MED29: variants seen among roughly 807,000 people sequenced by gnomAD.
The protein encoded by MED29 is mediator of RNA polymerase II transcription subunit 29.
A neutral mutation model predicts 22.0 loss-of-function variants in MED29; 14 were observed. That is an observed-to-expected ratio of 0.64 (90% CI 0.42 to 0.99). The LOEUF (loss-of-function observed/expected upper bound fraction) is 0.99, where lower values mean the gene tolerates loss of function less well. MED29 is among the 50% of genes least tolerant of loss of function. The probability of loss-of-function intolerance (pLI) is 0.00; values close to 1 mark genes in which losing one functional copy is unlikely to be tolerated. For missense variants in MED29, 241 were observed against 253.7 expected, an observed-to-expected ratio of 0.95 and a Z score of 0.34; for synonymous variants, 123 against 107.8, an observed-to-expected ratio of 1.14 and a Z score of -0.87.
At chr19:39,395,596 T>C (rs1346420379) in intron 3 of MED29, among the ~76,000 whole-genome samples, 2 of 152,080 alleles carry the variant, frequency 1.3e-5, no homozygotes, top group Non-Finnish European at 2.9e-5. Flanking sequence ...ATAAAGTTTC[T>C]AGGATGAGGC....
In MED29 at chr19:39,398,809, A is replaced by C. The variant is rs2078444999; in HGVS notation, c.*1110A>C. The stretch of plus-strand genomic sequence containing the variant: ...TGCCCCACCCAGTATCTTCTGTGCC[A>C]TGGTTCCCACATTCGCACTCCATGG... On this transcript the variant is annotated 3_prime_UTR_variant, in exon 4 of 4. Transcript: ENST00000315588. 6.6e-6 allele frequency: 1 copy of C among 152,248 alleles called. No individual in the cohort carries two copies. The highest frequency in any genetic ancestry group is 1.5e-5 in the Non-Finnish European group (1 of 68,088). The allele number at this position is 152,248 out of a possible 1,614,324, so 9.4% of individuals were successfully genotyped here.
chr19:39,394,413 C>T (rs556997407), intron 3 of MED29, among the ~76,000 whole-genome samples: 4 of 152,008 alleles, frequency 2.6e-5, no homozygotes, highest in Non-Finnish European at 5.9e-5. Context: ...AGGCATACCA[C>T]GCCTGGCTAA....
chr19:39,394,941 G>T (rs1385497295), intron 3 of MED29, among the ~76,000 whole-genome samples: 1 of 147,426 alleles, frequency 6.8e-6, no homozygotes. Flanking sequence ...GCTCACTGCA[G>T]CCTCTACTTC....
chr19:39,396,383 C>T (rs1262452670), intron 3 of MED29, among the ~76,000 whole-genome samples: 1 of 151,278 alleles, frequency 6.6e-6, no homozygotes, highest in Non-Finnish European at 1.5e-5. Flanking sequence ...TGCAGTGAAC[C>T]AAGATGGCGC....
chr19:39,392,765 A>G, intron 2 of MED29: 1 of 507,626 alleles, frequency 2.0e-6, no homozygotes, highest in South Asian at 3.0e-5. Flanking sequence ...AGCCAGGACT[A>G]CAGACATGGC....
chr19:39,391,518 G>T lies in MED29; in HGVS notation c.96G>T (p.Pro32=). The T allele has an allele frequency of 1.2e-6, 2 of 1,612,972 alleles. No homozygotes were observed. Among genetic ancestry groups the T allele is most frequent in the Non-Finnish European group, 1.7e-6 (2 of 1,179,886 alleles). ...GCGGCCCGGGTCCCCAGCAGCAGCC[G>T]CAACCGCCAGCACAACTGGTGGGCC... The part of the protein sequence containing the change: ...SAGGPGPQQQ[P]QPPAQLVGPA... Residue 32 remains proline (P), a synonymous_variant, in exon 1 of 4, where the codon CCG becomes CCT. Transcript: ENST00000315588.
At position 39,397,856 on chromosome 19, in the gene MED29, A is replaced by C; in HGVS notation, c.*157A>C. 1 of 1,284,070 alleles carries C rather than the reference A, an allele frequency of 7.8e-7. No individual in the cohort carries two copies. The highest frequency in any genetic ancestry group is 1.5e-5 in the South Asian group (1 of 65,850). The allele number at this position is 1,284,070 out of a possible 1,614,324, so 79.5% of individuals were successfully genotyped here. Reference sequence around the variant, plus strand: ...CAGCAGAGGCCAACAGGGAGCTCGCAGGCCGGGCCCCTGCGTCCCTGCCCC... The same window carrying C: ...CAGCAGAGGCCAACAGGGAGCTCGCCGGCCGGGCCCCTGCGTCCCTGCCCC... On this transcript the variant is annotated 3_prime_UTR_variant, in exon 4 of 4. Transcript: ENST00000315588.
intron 3 of MED29, among the ~76,000 whole-genome samples, chr19:39,393,902 G>C (rs1024885032): frequency 6.6e-6 from 1 of 152,232 alleles, no homozygotes; most frequent in Non-Finnish European, 1.5e-5. Context: ...AGAGTGGTTA[G>C]GGTTATGATT....
intron 3 of MED29, among the ~76,000 whole-genome samples, chr19:39,397,061 C>T (rs1450469473): frequency 6.6e-6 from 1 of 151,642 alleles, no homozygotes; most frequent in Non-Finnish European, 1.5e-5. Flanking sequence ...CCTAGAGCAG[C>T]CAGAGAAGCA....
At chr19:39,392,416 C>A (rs748477186) in intron 1 of MED29, 48 bp from the exon 2 acceptor site, 2 of 1,423,300 alleles carry the variant, frequency 1.4e-6, no homozygotes, top group Admixed American at 2.0e-5. Context: ...CAGAGGTATT[C>A]CCTTTTGTTT....
Position 39,397,459 on chromosome 19 carries a change from C to T in MED29, c.363C>T (p.Arg121=), listed in dbSNP as rs758411686. ...TCCCCTTGCCTGCCTGTCCACAGCG[C>T]CTGGCGCATGAGTGCCTGTCACAGA... is the stretch of plus-strand genomic sequence containing the variant. The part of the protein sequence containing the change: ...ALCDQLELCL[R]LAHECLSQSC... Residue 121 remains arginine (R), a splice_region_variant and synonymous_variant, in exon 4 of 4, where the codon CGC becomes CGT. Coordinates refer to ENST00000315588, the MANE Select transcript of MED29 (RefSeq NM_017592.4). 2.5e-6 allele frequency: 4 copies of T among 1,603,474 alleles called. No homozygotes were observed. Among genetic ancestry groups the T allele is most frequent in the Non-Finnish European group, 1.7e-6 (2 of 1,179,514 alleles).
chr19:39,395,169 G>A (rs2078421670), intron 3 of MED29, among the ~76,000 whole-genome samples: 1 of 152,138 alleles, frequency 6.6e-6, no homozygotes, highest in African/African-American at 2.4e-5. Context: ...TGAAGGAAAA[G>A]TGGGAGGTTG....
At position 39,391,409 on chromosome 19, in the gene MED29, T is replaced by G. The variant is rs200563568; in HGVS notation, c.-14T>G. 1.9e-6 allele frequency: 3 copies of G among 1,609,642 alleles called. No homozygotes were observed. Among genetic ancestry groups the G allele is most frequent in the South Asian group, 2.2e-5 (2 of 90,934 alleles). On this transcript the variant is annotated 5_prime_UTR_variant, in exon 1 of 4. Transcript: ENST00000315588. ...CGCAGTCGTAACGCACTTCCGGCGG[T>G]CTACGCGAGGAAGATGGCTGCATCC...
At chr19:39,397,129 AACAATG>A (rs1483289314) in intron 3 of MED29, among the ~76,000 whole-genome samples, 1 of 152,208 alleles carries the variant, frequency 6.6e-6, no homozygotes, top group Admixed American at 6.5e-5. Context: ...CCAGGGCAGT[AACAATG>A]ATAGTAGCTA....
At chr19:39,392,580 T>C (rs961330675) in intron 2 of MED29, 58 bp downstream of exon 2, 27 of 1,466,916 alleles carry the variant, frequency 1.8e-5, no homozygotes, top group African/African-American at 2.9e-5. Flanking sequence ...TTGAAATTCA[T>C]CTTTCCTTCT....
chr19:39,393,999 G>A (rs1478410130), intron 3 of MED29, among the ~76,000 whole-genome samples: 1 of 152,132 alleles, frequency 6.6e-6, no homozygotes, highest in African/African-American at 2.4e-5. Flanking sequence ...GAGTGGCTTA[G>A]GGAAGGCTAC....
chr19:39,393,435 C>T, intron 2 of MED29, 118 bp from the exon 3 acceptor site: 1 of 937,002 alleles, frequency 1.1e-6, no homozygotes, highest in Non-Finnish European at 1.7e-6. Context: ...TTTTCAACCA[C>T]TACTTCAGAT....
At chr19:39,393,343 G>A (rs897259643) in intron 2 of MED29, among the ~76,000 whole-genome samples, 13 of 151,410 alleles carry the variant, frequency 8.6e-5, no homozygotes, top group East Asian at 1.9e-4. Flanking sequence ...TGATCTGCTC[G>A]CCTCGGACTC....
Position 39,391,385 on chromosome 19 carries a change from G to T in MED29, c.-38G>T, listed in dbSNP as rs1195305224. The T allele has an allele frequency of 2.5e-6, 4 of 1,600,982 alleles. No individual in the cohort carries two copies. The highest frequency in any genetic ancestry group is 3.4e-6 in the Non-Finnish European group (4 of 1,169,526). On this transcript the variant is annotated 5_prime_UTR_variant, in exon 1 of 4. Transcript: ENST00000315588. ...ATGCTGAAAAGCAACGGGGAGAGAC[G>T]CAGTCGTAACGCACTTCCGGCGGTC...
Sources: gnomAD v4.1 joint callset for allele counts (sites outside exome capture counted in the v4.1 genomes callset) on GRCh38, gnomAD v4.1.1 for gene constraint, MANE v1.5 for transcripts, NCBI Gene and HGNC (gene_info 2026-07-23, HGNC 2026-07-21) for gene names.